Variants in PARK7 observed in about 807,000 individuals in gnomAD.
PARK7 encodes Parkinsonism associated deglycase, also known as Parkinson disease protein 7.
Under a neutral mutation model 20.5 loss-of-function variants are expected in PARK7, and 14 were observed. That is an observed-to-expected ratio of 0.68 (90% CI 0.45 to 1.07). The LOEUF (loss-of-function observed/expected upper bound fraction) is 1.07. PARK7 is among the 50% of genes least tolerant of loss of function. The pLI is 0.00. For synonymous variants in PARK7, 98 were observed against 84.3 expected, an observed-to-expected ratio of 1.16 and a Z score of -0.89; for missense variants, 234 against 238.1, an observed-to-expected ratio of 0.98 and a Z score of 0.11.
rs1557453480 is a variant in PARK7 at position 7,985,050 on chromosome 1, AC to A, written c.567del (p.Ter190ArgfsTer24). 1 of 1,614,122 alleles carries A rather than the reference AC, an allele frequency of 6.2e-7. No homozygotes were observed. The highest frequency in any genetic ancestry group is 8.5e-7 in the Non-Finnish European group (1 of 1,180,006). ...GTGAAGGCTCCACTTGTTCTTAAAGACTAGAGCAGCGAACTGCGACGATCAC... is the reference window on the plus strand; with the variant it reads ...GTGAAGGCTCCACTTGTTCTTAAAGATAGAGCAGCGAACTGCGACGATCAC... ...AQVKAPLVLK[D>X] On this transcript the variant is annotated frameshift_variant, in exon 7 of 7. Coordinates refer to ENST00000338639, the MANE Select transcript of PARK7 (RefSeq NM_007262.5). LOFTEE classifies it high-confidence loss of function.
At chr1:7,975,798 A>C (rs1640573395) in intron 5 of PARK7, among the ~76,000 whole-genome samples, 1 of 152,248 alleles carries the variant, frequency 6.6e-6, no homozygotes, top group South Asian at 2.1e-4. Context: ...TTAAAATGCA[A>C]GATGATGTAG....
chr1:7,966,147 CGTGACAGGAGTGTGGACTGT>C (rs1467549753), intron 3 of PARK7, among the ~76,000 whole-genome samples: 2 of 151,932 alleles, frequency 1.3e-5, no homozygotes, highest in Non-Finnish European at 2.9e-5. Context: ...GTGCGGTCAG[CGTGACAGGAGTGTGGACTGT>C]ACCCTCTGAC....
At position 7,962,870 on chromosome 1, in the gene PARK7, G is replaced by GC; in HGVS notation, c.86dup (p.Gly30TrpfsTer3). 6.2e-7 allele frequency: 1 copy of GC among 1,612,714 alleles called. No individual in the cohort carries two copies. Among genetic ancestry groups the GC allele is most frequent in the South Asian group, 1.1e-5 (1 of 91,056 alleles). ...CATCCCTGTAGATGTCATGAGGCGA[G>GC]CTGGGGTAAGTCCCACATCGATTTT... is the stretch of plus-strand genomic sequence containing the variant. On this transcript the variant is annotated frameshift_variant, in exon 2 of 7. Coordinates refer to ENST00000338639, the MANE Select transcript of PARK7 (RefSeq NM_007262.5). LOFTEE classifies it high-confidence loss of function.
At chr1:7,966,223 C>T (rs2151429193) in intron 3 of PARK7, among the ~76,000 whole-genome samples, 1 of 152,184 alleles carries the variant, frequency 6.6e-6, no homozygotes, top group Non-Finnish European at 1.5e-5. Flanking sequence ...TCACAGATGG[C>T]TGGTTGCACA....
chr1:7,969,447 G>T, intron 4 of PARK7, 43 bp downstream of exon 4: 6 of 882,126 alleles, frequency 6.8e-6, no homozygotes, highest in South Asian at 4.1e-5. Flanking sequence ...AGCTGGGGGG[G>T]GGGAAAAACT....
At chr1:7,968,295 T>G in intron 3 of PARK7, among the ~76,000 whole-genome samples, 1 of 113,264 alleles carries the variant, frequency 8.8e-6, no homozygotes, top group South Asian at 2.6e-4. Context: ...AGAGCAAGAC[T>G]CTGTCTCAAA....
At chr1:7,968,313 A>C (rs1557443715) in intron 3 of PARK7, among the ~76,000 whole-genome samples, 35 of 151,134 alleles carry the variant, frequency 2.3e-4, no homozygotes, top group Non-Finnish European at 1.5e-5. Flanking sequence ...AAAAAAAAAA[A>C]AAAAAGAAAA....
At chr1:7,974,390 G>A (rs1305952385) in intron 5 of PARK7, among the ~76,000 whole-genome samples, 1 of 152,080 alleles carries the variant, frequency 6.6e-6, no homozygotes, top group African/African-American at 2.4e-5. Flanking sequence ...AGCACTTTGG[G>A]AGGCCGAGGC....
chr1:7,965,898 C>T (rs1640315181), intron 3 of PARK7, among the ~76,000 whole-genome samples: 1 of 152,172 alleles, frequency 6.6e-6, no homozygotes, highest in African/African-American at 2.4e-5. Context: ...CAGCCTCAAC[C>T]TCCCAGGTTC....
intron 5 of PARK7, among the ~76,000 whole-genome samples, chr1:7,972,525 TACC>T (rs1640487040): frequency 6.6e-6 from 1 of 152,250 alleles, no homozygotes; most frequent in Non-Finnish European, 1.5e-5. Context: ...AGTAGGATGA[TACC>T]ATCATCTGAG....
At chr1:7,977,988 T>A (rs1375089856) in intron 6 of PARK7, among the ~76,000 whole-genome samples, 3 of 48,522 alleles carry the variant, frequency 6.2e-5, no homozygotes, top group Non-Finnish European at 9.5e-5. Flanking sequence ...TCAAACTCTT[T>A]TTTTTTTTTT....
At chr1:7,973,792 T>C (rs1474267763) in intron 5 of PARK7, among the ~76,000 whole-genome samples, 2 of 148,006 alleles carry the variant, frequency 1.4e-5, no homozygotes, top group Admixed American at 6.7e-5. Flanking sequence ...CCTGTCGTCC[T>C]AGCTACTTGG....
At chr1:7,982,455 A>T (rs1012206801) in intron 6 of PARK7, among the ~76,000 whole-genome samples, 5 of 152,146 alleles carry the variant, frequency 3.3e-5, no homozygotes, top group Non-Finnish European at 7.4e-5. Context: ...CCTGGTGCTG[A>T]TGGGGTGCAT....
At chr1:7,969,470 C>A in intron 4 of PARK7, 66 bp downstream of exon 4, 3 of 1,095,494 alleles carry the variant, frequency 2.7e-6, no homozygotes, top group Non-Finnish European at 4.2e-6. Flanking sequence ...AGAATTTCAG[C>A]ATCTGCTTAT....
chr1:7,971,964 AT>A (rs2151433048), intron 5 of PARK7: 1 of 152,288 alleles, frequency 6.6e-6, no homozygotes, highest in Admixed American at 6.5e-5. Flanking sequence ...TAAAATAAAT[AT>A]TTGTCAGAAG....
intron 6 of PARK7, among the ~76,000 whole-genome samples, chr1:7,978,090 G>A (rs1409515201): frequency 1.4e-5 from 2 of 144,788 alleles, no homozygotes; most frequent in South Asian, 2.2e-4. Context: ...TCCGCCTCCC[G>A]GGTTCAAGTG....
At chr1:7,974,334 A>G (rs226243) in intron 5 of PARK7, among the ~76,000 whole-genome samples, 43,738 of 151,666 alleles carry the variant, frequency 0.29, 7,839 homozygotes, top group Non-Finnish European at 0.41. Context: ...TCTTAAAAAA[A>G]AAAAGTAAAA....
At position 7,981,965 on chromosome 1, in the gene PARK7, C is replaced by CTTT. The variant is rs71567337; in HGVS notation, c.410-2903_410-2901dup. Among the ~76,000 whole-genome samples the CTTT allele has an allele frequency of 1.6e-3, 132 of 84,376 alleles. 36 individuals are homozygous for CTTT. The East Asian group carries it at 0.024, about 15-fold the overall frequency. The allele number at this position is 84,376 out of a possible 152,430, so 55.4% of individuals were successfully genotyped here. ...GAGCCACTATGCCCAGCCCCCCCGC[C>CTTT]TTTTTTTTTTTTTTTTTTTTTTTTT... On this transcript the variant is annotated intron_variant, in intron 6 of 6. Transcript: ENST00000338639.
At chr1:7,965,599 G>A (rs1215359305) in intron 3 of PARK7, among the ~76,000 whole-genome samples, 174 bp downstream of exon 3, 1 of 152,152 alleles carries the variant, frequency 6.6e-6, no homozygotes, top group Non-Finnish European at 1.5e-5. Context: ...TGTAGAATGT[G>A]GCAATTGCTT....
Sources: allele counts gnomAD v4.1 joint callset (sites outside exome capture counted in the v4.1 genomes callset), GRCh38; gene constraint gnomAD v4.1.1; transcripts MANE v1.5; gene names NCBI Gene and HGNC (gene_info 2026-07-23, HGNC 2026-07-21).